Variants in PCDHA3 observed in about 807,000 individuals in gnomAD.
PCDHA3 encodes protocadherin alpha 3, also known as protocadherin alpha-3.
Under a neutral mutation model 62.2 loss-of-function variants are expected in PCDHA3, and 41 were observed. The observed-to-expected ratio is 0.66, with a 90% CI of 0.51 to 0.86. The LOEUF (loss-of-function observed/expected upper bound fraction) is 0.86, where lower values mean the gene tolerates loss of function less well. PCDHA3 is among the 40% of genes least tolerant of loss of function. PCDHA3 has a pLI of 0.00. For synonymous variants in PCDHA3, 640 were observed against 555.4 expected, an observed-to-expected ratio of 1.15 and a Z score of -2.14; for missense variants, 1,304 against 1,241.2, an observed-to-expected ratio of 1.05 and a Z score of -0.76.
chr5:140,940,029 C>T (rs1411990785), intron 1 of PCDHA3, among the ~76,000 whole-genome samples: 4 of 152,136 alleles, frequency 2.6e-5, no homozygotes, highest in East Asian at 1.9e-4. Flanking sequence ...TGTTTTAAGG[C>T]TATTTTATTT....
intron 3 of PCDHA3, among the ~76,000 whole-genome samples, chr5:141,006,057 A>G (rs2098253248): frequency 6.6e-6 from 1 of 152,022 alleles, no homozygotes. Context: ...AGAGTGGAGA[A>G]GAAATAAAAA....
At chr5:140,931,744 C>G (rs2087714665) in intron 1 of PCDHA3, among the ~76,000 whole-genome samples, 5 of 151,904 alleles carry the variant, frequency 3.3e-5, no homozygotes, top group Admixed American at 3.3e-4. Flanking sequence ...TTGTAATTCA[C>G]AAAGGCATTT....
At chr5:140,875,524 C>T in intron 1 of PCDHA3, 1 of 1,614,084 alleles carries the variant, frequency 6.2e-7, no homozygotes, top group East Asian at 2.2e-5. Context: ...GCTGCTCTCG[C>T]TTCTGCTCCT....
chr5:140,829,988 A>C (rs1770730087), intron 1 of PCDHA3: 3 of 1,613,924 alleles, frequency 1.9e-6, no homozygotes, highest in Non-Finnish European at 2.5e-6. Context: ...CGAGATCAGC[A>C]CCACTCGTGT....
intron 1 of PCDHA3, among the ~76,000 whole-genome samples, chr5:140,903,182 G>A (rs1030121963): frequency 1.3e-5 from 2 of 152,164 alleles, no homozygotes; most frequent in Non-Finnish European, 2.9e-5. Flanking sequence ...CCCACCAATA[G>A]TATAAAAGAG....
At chr5:140,931,970 G>A (rs2087909153) in intron 1 of PCDHA3, among the ~76,000 whole-genome samples, 1 of 151,866 alleles carries the variant, frequency 6.6e-6, no homozygotes, top group Non-Finnish European at 1.5e-5. Flanking sequence ...TGATGCATAT[G>A]TGTTTATATT....
chr5:140,805,754 A>T (rs1763626106), intron 1 of PCDHA3: 2 of 242,630 alleles, frequency 8.2e-6, no homozygotes, highest in Non-Finnish European at 1.3e-5. Context: ...CTTGAAATAC[A>T]TCTTAATTGG....
intron 2 of PCDHA3, among the ~76,000 whole-genome samples, chr5:140,981,839 A>T (rs950232298): frequency 6.6e-6 from 1 of 152,116 alleles, no homozygotes; most frequent in Non-Finnish European, 1.5e-5. Flanking sequence ...AAGGTCTCCC[A>T]GTTTGTATCT....
At chr5:140,850,132 G>A (rs2150469208) in intron 1 of PCDHA3, 1 of 1,595,756 alleles carries the variant, frequency 6.3e-7, no homozygotes, top group East Asian at 2.2e-5. Flanking sequence ...CCGCCTCTGG[G>A]CAGCAACGTG....
At chr5:140,827,000 T>C (rs2150146007) in intron 1 of PCDHA3, among the ~76,000 whole-genome samples, 9 of 152,112 alleles carry the variant, frequency 5.9e-5, no homozygotes, top group African/African-American at 2.2e-4. Flanking sequence ...ACATGGGAAA[T>C]GCTCATGTCA....
intron 1 of PCDHA3, chr5:140,830,314 C>T: frequency 6.2e-7 from 1 of 1,613,988 alleles, no homozygotes; most frequent in South Asian, 1.1e-5. Flanking sequence ...CGCTGGTGTG[C>T]TCCAGCGCAG....
chr5:140,804,211 C>T (rs1554123052), intron 1 of PCDHA3: 3 of 151,960 alleles, frequency 2.0e-5, no homozygotes, highest in East Asian at 1.9e-4. Flanking sequence ...TTGGCAATAC[C>T]GTTTATTGTT....
chr5:140,856,760 G>T, intron 1 of PCDHA3: 1 of 1,596,522 alleles, frequency 6.3e-7, no homozygotes, highest in Admixed American at 1.7e-5. Context: ...CAATGATAAC[G>T]CCCCTATCTT....
intron 3 of PCDHA3, among the ~76,000 whole-genome samples, chr5:140,997,706 A>G (rs1387378770): frequency 3.3e-5 from 5 of 151,686 alleles, no homozygotes; most frequent in African/African-American, 1.2e-4. Flanking sequence ...GTATGTTAAC[A>G]AACACCTTTC....
chr5:140,966,279 G>A, intron 1 of PCDHA3: 1 of 364,628 alleles, frequency 2.7e-6, no homozygotes, highest in Non-Finnish European at 4.9e-6. Flanking sequence ...ACTGGACAGT[G>A]GGGGTAGGGA....
intron 3 of PCDHA3, among the ~76,000 whole-genome samples, chr5:140,993,523 CAGAG>C (rs111789518): frequency 3.4e-5 from 5 of 145,668 alleles, no homozygotes; most frequent in South Asian, 2.2e-4. Flanking sequence ...GAGAGAGAGA[CAGAG>C]AGAGAGAGAG....
intron 1 of PCDHA3, chr5:140,843,756 G>A: frequency 2.7e-6 from 4 of 1,503,408 alleles, no homozygotes; most frequent in Non-Finnish European, 3.7e-6. Flanking sequence ...TTCTATTTGT[G>A]GAAATTGTAG....
chr5:140,985,471 G>A (rs926791157), intron 3 of PCDHA3, among the ~76,000 whole-genome samples: 4 of 152,148 alleles, frequency 2.6e-5, no homozygotes, highest in African/African-American at 9.7e-5. Flanking sequence ...AAAAAATTTG[G>A]TTGTTTCCAG....
At chr5:140,807,210 G>T in intron 1 of PCDHA3, 3 of 1,613,852 alleles carry the variant, frequency 1.9e-6, no homozygotes, top group Non-Finnish European at 2.5e-6. Flanking sequence ...TGGGGAAGCG[G>T]CCAGGAATCC....
Sources: allele counts gnomAD v4.1 joint callset (sites outside exome capture counted in the v4.1 genomes callset), GRCh38; gene constraint gnomAD v4.1.1; transcripts MANE v1.5; gene names NCBI Gene and HGNC (gene_info 2026-07-23, HGNC 2026-07-21).